Variants in C20orf96 observed in about 807,000 individuals in gnomAD.
C20orf96 encodes uncharacterized protein C20orf96.
Under a neutral mutation model 52.6 loss-of-function variants are expected in C20orf96, and 57 were observed. The observed-to-expected ratio is 1.08, with a 90% CI of 0.88 to 1.35. C20orf96 has a LOEUF of 1.35. Among genes scored for constraint, C20orf96 ranks in the 40% most tolerant of loss-of-function variants. The probability of loss-of-function intolerance (pLI) is 0.00; values close to 1 mark genes in which losing one functional copy is unlikely to be tolerated. For synonymous variants in C20orf96, 168 were observed against 157.2 expected (o/e 1.07, Z -0.51); for missense variants, 478 against 443.6 (o/e 1.08, Z -0.70).
intron 10 of C20orf96, among the ~76,000 whole-genome samples, chr20:273,123 C>T (rs907061982): frequency 3.9e-5 from 6 of 152,058 alleles, no homozygotes; most frequent in Middle Eastern, 3.2e-3. Context: ...TACAGGCGCA[C>T]GCCACCACGC....
At chr20:285,673 C>T (rs1012744161) in intron 3 of C20orf96, among the ~76,000 whole-genome samples, 7 of 152,124 alleles carry the variant, frequency 4.6e-5, no homozygotes, top group Non-Finnish European at 1.0e-4. Context: ...CTTCTGCCTC[C>T]CAGATTCAAG....
chr20:285,448 A>G (rs1366445581), intron 3 of C20orf96, among the ~76,000 whole-genome samples: 6 of 152,226 alleles, frequency 3.9e-5, no homozygotes, highest in Non-Finnish European at 7.3e-5. Flanking sequence ...GATTAAGTAA[A>G]TTAATTTTGT....
chr20:287,042 A>G (rs1176990464), intron 3 of C20orf96, among the ~76,000 whole-genome samples: 1 of 152,176 alleles, frequency 6.6e-6, no homozygotes, highest in African/African-American at 2.4e-5. Context: ...GATACACCAT[A>G]GGTTGTTTAA....
chr20:279,187 C>A lies in C20orf96; in HGVS notation c.450G>T (p.Gln150His). ...TTLHVRALLQ[Q>H]QDTLATIIDI... ...CGGGTCTCACCGCCAGGGTGTCCTGCTGCTGCAGCAGGGCCCGCACGTGCA... is the reference window on the plus strand; with the variant it reads ...CGGGTCTCACCGCCAGGGTGTCCTGATGCTGCAGCAGGGCCCGCACGTGCA... Residue 150 changes from glutamine to histidine, a missense_variant, in exon 5 of 11, where the codon CAG becomes CAT. By Grantham distance (24) the Gln-to-His change is conservative (BLOSUM62 0). Transcript: ENST00000360321. 1 of 1,599,596 alleles carries A rather than the reference C, an allele frequency of 6.3e-7. No homozygotes were observed. The highest frequency in any genetic ancestry group is 8.5e-7 in the Non-Finnish European group (1 of 1,175,890).
chr20:290,491 A>AG (rs751316938), intron 1 of C20orf96, 100 bp downstream of exon 1: 3 of 1,455,052 alleles, frequency 2.1e-6, no homozygotes, highest in Non-Finnish European at 2.7e-6. Context: ...CAGAAGACCG[A>AG]GGGCGACCTC....
At chr20:284,155 A>G in intron 3 of C20orf96, 74 bp from the exon 4 acceptor site, 1 of 1,094,142 alleles carries the variant, frequency 9.1e-7, no homozygotes, top group Non-Finnish European at 1.4e-6. Flanking sequence ...CCGGGAGTGC[A>G]CCATTAATGA....
chr20:275,097 G>A (rs145502460), intron 10 of C20orf96, among the ~76,000 whole-genome samples: 2,234 of 152,298 alleles, frequency 0.015, 25 homozygotes, highest in Middle Eastern at 0.045. Context: ...GATTACAGGC[G>A]TGAGCCACTG....
chr20:284,159 TTAA>T, intron 3 of C20orf96, 78 bp from the exon 4 acceptor site: 2 of 1,045,878 alleles, frequency 1.9e-6, no homozygotes, highest in Non-Finnish European at 3.0e-6. Flanking sequence ...GAGTGCACCA[TTAA>T]TGAGAGGAGG....
chr20:282,040 T>C (rs1249753744), intron 4 of C20orf96, among the ~76,000 whole-genome samples: 1 of 152,194 alleles, frequency 6.6e-6, no homozygotes, highest in African/African-American at 2.4e-5. Flanking sequence ...GCTGTCATCC[T>C]TGAAGTCTTG....
intron 2 of C20orf96, 117 bp downstream of exon 2, chr20:290,142 C>G: frequency 1.3e-6 from 1 of 756,090 alleles, no homozygotes; most frequent in Non-Finnish European, 2.1e-6. Context: ...CCGGCTGGGA[C>G]TGGAATTCGG....
chr20:289,472 T>C (rs2122335580), intron 3 of C20orf96, 87 bp downstream of exon 3: 2 of 815,178 alleles, frequency 2.5e-6, no homozygotes, highest in Non-Finnish European at 4.3e-6. Context: ...TAGCCTACCC[T>C]AATATAAGTG....
chr20:273,684 T>C (rs1441508872), intron 10 of C20orf96, among the ~76,000 whole-genome samples: 1 of 152,004 alleles, frequency 6.6e-6, no homozygotes, highest in Non-Finnish European at 1.5e-5. Flanking sequence ...GAGACCAGCC[T>C]GGCCAACATG....
At chr20:274,046 G>GAAAGA (rs371190565) in intron 10 of C20orf96, among the ~76,000 whole-genome samples, 1 of 148,650 alleles carries the variant, frequency 6.7e-6, no homozygotes, top group African/African-American at 2.6e-5. Flanking sequence ...AGGAAGGAAA[G>GAAAGA]AAAGAAAAGA....
intron 10 of C20orf96, among the ~76,000 whole-genome samples, chr20:273,098 C>T (rs2011891451): frequency 6.6e-6 from 1 of 152,246 alleles, no homozygotes; most frequent in South Asian, 2.1e-4. Context: ...CCTTAGCCTT[C>T]ACTGCAGCTG....
At chr20:277,663 C>T (rs2012076607) in intron 6 of C20orf96, among the ~76,000 whole-genome samples, 1 of 152,180 alleles carries the variant, frequency 6.6e-6, no homozygotes, top group South Asian at 2.1e-4. Context: ...GGGTGGCTCT[C>T]GCCAAGACTG....
In C20orf96 at chr20:283,943, A is replaced by G; in HGVS notation, c.306+20T>C. The G allele has an allele frequency of 1.3e-6, 2 of 1,539,070 alleles. No individual in the cohort carries two copies. Among genetic ancestry groups the G allele is most frequent in the Non-Finnish European group, 1.8e-6 (2 of 1,111,490 alleles). On this transcript the variant is annotated intron_variant, in intron 4 of 10. Transcript: ENST00000360321. ...CGTCCCTGTCCTGGGCCCAGTGTCC[A>G]GGGAAGATGTGCCTCATACCTTCAT...
intron 10 of C20orf96, among the ~76,000 whole-genome samples, chr20:272,510 C>T (rs2011874036): frequency 6.6e-6 from 1 of 152,192 alleles, no homozygotes; most frequent in Admixed American, 6.5e-5. Flanking sequence ...CACGTGCCAC[C>T]ACATCTGGCT....
intron 10 of C20orf96, among the ~76,000 whole-genome samples, chr20:272,675 G>A (rs768828074): frequency 6.6e-6 from 1 of 151,916 alleles, no homozygotes; most frequent in Non-Finnish European, 1.5e-5. Context: ...CTTTTTGACT[G>A]TGCCTACATA....
chr20:285,254 C>A lies in C20orf96; in HGVS notation c.188-1173G>T, dbSNP rs116355885. 4.5e-3 allele frequency among the ~76,000 whole-genome samples: 684 copies of A among 152,292 alleles called. 7 individuals carry two copies. Among genetic ancestry groups the A allele is most frequent in the African/African-American group, 0.016 (662 of 41,570 alleles). ...TTTGGGGGGCATATTCTCAGAATCC[C>A]TGTTTCCTCTCTGCCTGTCGTGCAA... On this transcript the variant is annotated intron_variant, in intron 3 of 10. Coordinates refer to ENST00000360321, the MANE Select transcript of C20orf96 (RefSeq NM_153269.3).
Sources: allele counts gnomAD v4.1 joint callset (sites outside exome capture counted in the v4.1 genomes callset), GRCh38; gene constraint gnomAD v4.1.1; transcripts MANE v1.5; gene names NCBI Gene and HGNC (gene_info 2026-07-23, HGNC 2026-07-21).